The following CFAP410 variants were observed in gnomAD, a reference collection of about 807,000 sequenced individuals.
CFAP410 encodes cilia- and flagella-associated protein 410.
A neutral mutation model predicts 25.7 loss-of-function variants in CFAP410; 27 were observed. That is an observed-to-expected ratio of 1.05 (90% CI 0.77 to 1.45). The LOEUF (loss-of-function observed/expected upper bound fraction) is 1.45, where lower values mean the gene tolerates loss of function less well. Among genes scored for constraint, CFAP410 ranks in the 40% most tolerant of loss-of-function variants. The pLI is 0.00. For missense variants in CFAP410, 428 were observed against 354.1 expected (o/e 1.21, Z -1.67); for synonymous variants, 178 against 158.4 (o/e 1.12, Z -0.93).
In CFAP410 at chr21:44,331,886, C is replaced by CA. The variant is rs1568986203; in HGVS notation, c.501dup (p.Ala168CysfsTer2). ...TCCAGCGGGTCCCGGCCAGTCTCAG[C>CA]AGCGGAGCTGAGGGAGCTCAGTGTG... is the stretch of plus-strand genomic sequence containing the variant. On this transcript the variant is annotated frameshift_variant, in exon 5 of 7. Coordinates refer to ENST00000339818, the MANE Select transcript of CFAP410 (RefSeq NM_004928.3). LOFTEE classifies it high-confidence loss of function. The CA allele has an allele frequency of 6.2e-7, 1 of 1,612,754 alleles. No homozygotes were observed. Among genetic ancestry groups the CA allele is most frequent in the South Asian group, 1.1e-5 (1 of 90,958 alleles).
chr21:44,339,247 G>C lies in CFAP410; in HGVS notation c.-53C>G. The C allele has an allele frequency of 1.7e-6, 2 of 1,191,864 alleles. No individual in the cohort carries two copies. The highest frequency in any genetic ancestry group is 3.2e-5 in the East Asian group (1 of 31,454). The allele number at this position is 1,191,864 out of a possible 1,614,324, so 73.8% of individuals were successfully genotyped here. The stretch of plus-strand genomic sequence containing the variant: ...CGCCCCCGGCCTCCTGATCCCGGGC[G>C]GGTGACGACTGCGCGGCGCGTGTCT... On this transcript the variant is annotated 5_prime_UTR_variant, in exon 1 of 7. Transcript: ENST00000339818.
At position 44,330,052 on chromosome 21, in the gene CFAP410, A is replaced by T; in HGVS notation, c.*146T>A. On this transcript the variant is annotated 3_prime_UTR_variant, in exon 7 of 7. Transcript: ENST00000339818. ...CCCGGTTAGCCAGTACCTAACACCC[A>T]CTCCTGCCCTCGGCCGATGTGGCAA... 1 of 893,988 alleles carries T rather than the reference A, an allele frequency of 1.1e-6. No individual in the cohort carries two copies. The highest frequency in any genetic ancestry group is 1.7e-6 in the Non-Finnish European group (1 of 592,854). 55.4% of individuals were successfully genotyped at this position (893,988 alleles called of 1,614,324 possible).
Position 44,339,173 on chromosome 21 carries a change from CCAT to C in CFAP410, c.19_21del (p.Met7del), listed in dbSNP as rs2047821020. On this transcript the variant is annotated inframe_deletion, in exon 1 of 7. Coordinates refer to ENST00000339818, the MANE Select transcript of CFAP410 (RefSeq NM_004928.3). ...TCCGAGGCCTTGGCCCGGGTCAGAA[CCAT>C]CTTCCGCGTCAGCTTCATGGCGGCC... is the stretch of plus-strand genomic sequence containing the variant. 6.8e-7 allele frequency: 1 copy of C among 1,470,754 alleles called. No homozygotes were observed. Among genetic ancestry groups the C allele is most frequent in the East Asian group, 3.0e-5 (1 of 33,156 alleles). 91.1% of individuals were successfully genotyped at this position (1,470,754 alleles called of 1,614,324 possible).
intron 2 of CFAP410, among the ~76,000 whole-genome samples, chr21:44,336,478 C>T (rs1568991610): frequency 6.6e-6 from 1 of 152,168 alleles, no homozygotes; most frequent in Non-Finnish European, 1.5e-5. Context: ...TCTCAGATCA[C>T]ATTGGTACTG....
intron 3 of CFAP410, chr21:44,333,815 C>T: frequency 8.7e-6 from 3 of 345,830 alleles, no homozygotes; most frequent in South Asian, 6.5e-5. Context: ...AGGCTTTACC[C>T]TGCAGCGTGG....
intron 5 of CFAP410, 163 bp from the exon 6 acceptor site, chr21:44,331,082 G>A (rs2146058748): frequency 1.5e-6 from 1 of 656,930 alleles, no homozygotes; most frequent in East Asian, 2.7e-5. Context: ...GGAGGTCAGG[G>A]GCTACAGATG....
intron 2 of CFAP410, among the ~76,000 whole-genome samples, chr21:44,336,517 G>T (rs945580372): frequency 3.3e-5 from 5 of 152,134 alleles, no homozygotes; most frequent in Non-Finnish European, 4.4e-5. Flanking sequence ...GCCCGGGGTG[G>T]TCCACAAAGC....
intron 4 of CFAP410, 72 bp from the exon 5 acceptor site, chr21:44,332,086 G>A (rs781597999): frequency 2.1e-5 from 27 of 1,306,218 alleles, no homozygotes; most frequent in Middle Eastern, 1.9e-4. Flanking sequence ...TGCAGCTCCC[G>A]TCCTCACTGT....
chr21:44,336,415 A>G (rs1255849483), intron 2 of CFAP410, among the ~76,000 whole-genome samples: 3 of 152,200 alleles, frequency 2.0e-5, no homozygotes, highest in African/African-American at 7.2e-5. Context: ...AAGGATGGAA[A>G]TCCCTTCTTG....
chr21:44,334,240 C>A (rs1344777474), intron 3 of CFAP410: 3 of 456,198 alleles, frequency 6.6e-6, no homozygotes, highest in Non-Finnish European at 8.8e-6. Flanking sequence ...TCCTGTCCCT[C>A]CCGAGATGTG....
At chr21:44,338,460 CA>C in intron 1 of CFAP410, 1 of 446,210 alleles carries the variant, frequency 2.2e-6, no homozygotes. Context: ...GCCTGGGTCC[CA>C]CCGCACCCAC....
At chr21:44,334,322 G>T (rs1276483377) in intron 3 of CFAP410, 2 of 454,842 alleles carry the variant, frequency 4.4e-6, no homozygotes, top group Non-Finnish European at 8.8e-6. Context: ...TCAGTGAGCG[G>T]CAGGGATAGG....
At chr21:44,332,320 T>C (rs182451977) in intron 4 of CFAP410, 2 of 327,022 alleles carry the variant, frequency 6.1e-6, no homozygotes, top group Non-Finnish European at 1.1e-5. Flanking sequence ...GAACAGACCA[T>C]ATTGAATTTA....
chr21:44,330,978 T>C, intron 5 of CFAP410, 59 bp from the exon 6 acceptor site: 2 of 1,407,142 alleles, frequency 1.4e-6, no homozygotes. Context: ...GGGGGGCCTC[T>C]GCAAACCCTG....
chr21:44,335,528 C>CA, intron 3 of CFAP410: 2 of 591,458 alleles, frequency 3.4e-6, no homozygotes, highest in Non-Finnish European at 6.0e-6. Context: ...AGGCAGGGGA[C>CA]AGGAGCCATC....
Position 44,330,334 on chromosome 21 carries a change from C to T in CFAP410, c.643-8G>A. ...GATGGCAGTCAGGACGTTCTGAGGG[C>T]AGAGGGGTGCGGACTAAGCCCACCC... On this transcript the variant is annotated splice_polypyrimidine_tract_variant and splice_region_variant and intron_variant, in intron 6 of 6. Coordinates refer to ENST00000339818, the MANE Select transcript of CFAP410 (RefSeq NM_004928.3). 1 of 1,608,184 alleles carries T rather than the reference C, an allele frequency of 6.2e-7. No homozygotes were observed. The highest frequency in any genetic ancestry group is 8.5e-7 in the Non-Finnish European group (1 of 1,177,066).
intron 3 of CFAP410, chr21:44,335,519 G>A: frequency 1.7e-6 from 1 of 583,594 alleles, no homozygotes; most frequent in East Asian, 2.9e-5. Context: ...CAGCAGGGCA[G>A]GCAGGGGACA....
Position 44,333,211 on chromosome 21 carries a change from A to C in CFAP410, c.195T>G (p.Ser65Arg). The C allele has an allele frequency of 1.2e-6, 2 of 1,612,920 alleles. No individual in the cohort carries two copies. Among genetic ancestry groups the C allele is most frequent in the Non-Finnish European group, 1.7e-6 (2 of 1,179,924 alleles). ...TGCGGTTCCTCCGCAGGTACAGCTC[A>C]CTCAGGCGCTGGCACCGGCTCACAG... is the stretch of plus-strand genomic sequence containing the variant. Reference protein sequence around the residue: ...LEPVSRCQRLSELYLRRNRIP... With the variant: ...LEPVSRCQRLRELYLRRNRIP... The change falls in exon 4 of 7, where the codon AGT becomes AGG. Residue 65 changes from serine (S) to arginine (R), a missense_variant. Coordinates refer to ENST00000339818, the MANE Select transcript of CFAP410 (RefSeq NM_004928.3).
chr21:44,330,237 C>T lies in CFAP410; in HGVS notation c.732G>A (p.Gln244=), dbSNP rs1375101475. 6.3e-7 allele frequency: 1 copy of T among 1,590,456 alleles called. No individual in the cohort carries two copies. The highest frequency in any genetic ancestry group is 1.3e-5 in the African/African-American group (1 of 74,650). ...AVQQTVGSRL[Q]ALRGEEVQEH... ...CCTGCACCTCTTCCCCACGCAGGGC[C>T]TGCAGCCGGCTGCCCACAGTCTGCT... Residue 244 remains glutamine, a synonymous_variant, in exon 7 of 7, where the codon CAG becomes CAA. Coordinates refer to ENST00000339818, the MANE Select transcript of CFAP410 (RefSeq NM_004928.3).
Sources: allele counts gnomAD v4.1 joint callset (sites outside exome capture counted in the v4.1 genomes callset), GRCh38; gene constraint gnomAD v4.1.1; transcripts MANE v1.5; gene names NCBI Gene and HGNC (gene_info 2026-07-23, HGNC 2026-07-21).